Variants in CCDC39 observed in about 807,000 individuals in gnomAD.
The protein encoded by CCDC39 is coiled-coil domain-containing protein 39.
CCDC39 carries 113 observed loss-of-function variants against 121.0 expected under a neutral mutation model. The observed-to-expected ratio is 0.93, with a 90% CI of 0.80 to 1.09. CCDC39 has a LOEUF of 1.09. Ranked by LOEUF, CCDC39 falls within the 50% of genes least tolerant of loss-of-function variation. The probability of loss-of-function intolerance (pLI) is 0.00; values close to 1 mark genes in which losing one functional copy is unlikely to be tolerated. For missense variants in CCDC39, 1,063 were observed against 1,074.7 expected, an observed-to-expected ratio of 0.99 and a Z score of 0.15; for synonymous variants, 349 against 352.2, an observed-to-expected ratio of 0.99 and a Z score of 0.10.
intron 9 of CCDC39, among the ~76,000 whole-genome samples, chr3:180,649,592 C>T (rs915222046): frequency 6.6e-6 from 1 of 152,050 alleles, no homozygotes; most frequent in Non-Finnish European, 1.5e-5. Flanking sequence ...AGTTTTAAAG[C>T]CAATGCTTCG....
At chr3:180,615,569 G>T (rs1357097678) in intron 19 of CCDC39, among the ~76,000 whole-genome samples, 1 of 151,918 alleles carries the variant, frequency 6.6e-6, no homozygotes, top group Non-Finnish European at 1.5e-5. Flanking sequence ...GAAAGTACAG[G>T]GATGTTCAGT....
Position 180,659,696 on chromosome 3 carries a change from G to C in CCDC39, c.590C>G (p.Thr197Arg). ...QKRKILDNEL[T>R]ETISAQLELD... ...ACTAACCTGTGCGCTTATAGTCTCT[G>C]TAAGTTCGTTGTCAAGTATCTTTCT... is the stretch of plus-strand genomic sequence containing the variant. Residue 197 changes from threonine (T) to arginine (R), a missense_variant, in exon 5 of 20, where the codon ACA becomes AGA. Coordinates refer to ENST00000476379, the MANE Select transcript of CCDC39 (RefSeq NM_181426.2). 6.2e-7 allele frequency: 1 copy of C among 1,611,784 alleles called. No homozygotes were observed. Among genetic ancestry groups the C allele is most frequent in the Non-Finnish European group, 8.5e-7 (1 of 1,179,086 alleles).
intron 1 of CCDC39, among the ~76,000 whole-genome samples, chr3:180,676,777 G>T (rs1045817276): frequency 6.6e-6 from 1 of 152,130 alleles, no homozygotes; most frequent in Non-Finnish European, 1.5e-5. Flanking sequence ...TTAAGAAAAT[G>T]TGGCACATAT....
intron 6 of CCDC39, among the ~76,000 whole-genome samples, chr3:180,655,591 A>G (rs1407928770): frequency 6.6e-6 from 1 of 152,036 alleles, no homozygotes; most frequent in African/African-American, 2.4e-5. Flanking sequence ...GACGTGCCCA[A>G]GAGGCAACAT....
At chr3:180,648,894 T>G (rs1046252197) in intron 9 of CCDC39, among the ~76,000 whole-genome samples, 2 of 152,132 alleles carry the variant, frequency 1.3e-5, no homozygotes, top group African/African-American at 4.8e-5. Flanking sequence ...CTAACATGAT[T>G]CCACTAAAGG....
chr3:180,628,704 T>G (rs967863382), intron 14 of CCDC39, among the ~76,000 whole-genome samples: 2 of 152,128 alleles, frequency 1.3e-5, no homozygotes, highest in Non-Finnish European at 2.9e-5. Context: ...AATATATAAA[T>G]GAATAAGTGT....
chr3:180,614,866 T>G lies in CCDC39; in HGVS notation c.*55A>C, dbSNP rs1717170359. ...AAAATGTGTTGGGTCGTTTTGTATT[T>G]TAAAGTATATTTTTGTTTTTGTGTT... On this transcript the variant is annotated 3_prime_UTR_variant, in exon 20 of 20. Transcript: ENST00000476379. 1 of 1,482,468 alleles carries G rather than the reference T, an allele frequency of 6.7e-7. No individual in the cohort carries two copies. The highest frequency in any genetic ancestry group is 9.1e-7 in the Non-Finnish European group (1 of 1,096,420). 91.8% of individuals were successfully genotyped at this position (1,482,468 alleles called of 1,614,324 possible).
At chr3:180,660,755 G>A in intron 3 of CCDC39, 27 bp from the exon 4 acceptor site, 2 of 1,579,524 alleles carry the variant, frequency 1.3e-6, no homozygotes, top group Non-Finnish European at 1.7e-6. Flanking sequence ...GAGAGAAAAG[G>A]GGAGATTACA....
At chr3:180,624,419 T>C (rs1425030289) in intron 14 of CCDC39, among the ~76,000 whole-genome samples, 2 of 152,208 alleles carry the variant, frequency 1.3e-5, no homozygotes, top group African/African-American at 4.8e-5. Flanking sequence ...CAAACTTATA[T>C]TGATATGTAT....
At chr3:180,665,825 A>ATT (rs925899224) in intron 1 of CCDC39, among the ~76,000 whole-genome samples, 1 of 151,700 alleles carries the variant, frequency 6.6e-6, no homozygotes, top group African/African-American at 2.4e-5. Context: ...ACGGAGGATC[A>ATT]TTTTTAATTA....
rs1351112028 is a variant in CCDC39, at chr3:180,614,163, C to A, written c.*758G>T. 5.9e-6 allele frequency: 1 copy of A among 168,466 alleles called. No homozygotes were observed. The highest frequency in any genetic ancestry group is 1.3e-5 in the Non-Finnish European group (1 of 77,398). The allele number at this position is 168,466 out of a possible 1,614,324, so 10.4% of individuals were successfully genotyped here. On this transcript the variant is annotated 3_prime_UTR_variant, in exon 20 of 20. Coordinates refer to ENST00000476379, the MANE Select transcript of CCDC39 (RefSeq NM_181426.2). ...CCAACTGTAAATGAAATTTCTATTG[C>A]AAATCAAGTCATACCTAGCTTTCAT...
intron 6 of CCDC39, among the ~76,000 whole-genome samples, chr3:180,656,783 T>C (rs1711590500): frequency 6.6e-6 from 1 of 152,222 alleles, no homozygotes; most frequent in Non-Finnish European, 1.5e-5. Flanking sequence ...CACTGCTTAT[T>C]ATATGCTAAT....
At chr3:180,642,962 ATTT>A (rs111261462) in intron 12 of CCDC39, among the ~76,000 whole-genome samples, 1 of 145,340 alleles carries the variant, frequency 6.9e-6, no homozygotes, top group African/African-American at 2.5e-5. Context: ...GACAGAGATA[ATTT>A]TTTTTTTTTT....
intron 2 of CCDC39, among the ~76,000 whole-genome samples, chr3:180,662,918 CT>C (rs1711777772): frequency 6.6e-6 from 1 of 152,030 alleles, no homozygotes; most frequent in African/African-American, 2.4e-5. Flanking sequence ...TTTAAAAAAA[CT>C]AGTTTGAGAC....
rs1717971093 is a variant in CCDC39, at chr3:180,642,210, G to A, written c.1666-9C>T. The A allele has an allele frequency of 4.0e-6, 6 of 1,515,478 alleles. No individual in the cohort carries two copies. Among genetic ancestry groups the A allele is most frequent in the East Asian group, 2.3e-5 (1 of 43,254 alleles). The allele number at this position is 1,515,478 out of a possible 1,614,324, so 93.9% of individuals were successfully genotyped here. Reference sequence around the variant, plus strand: ...TCCTCTATCATCAAATCCTATCAACGTAACAAAATGGTCAAATATTGAAAT... The same window carrying A: ...TCCTCTATCATCAAATCCTATCAACATAACAAAATGGTCAAATATTGAAAT... On this transcript the variant is annotated splice_polypyrimidine_tract_variant and intron_variant, in intron 12 of 19. Transcript: ENST00000476379.
In CCDC39 at chr3:180,615,034, T is replaced by A; in HGVS notation, c.2713A>T (p.Lys905Ter). Residue 905 changes from lysine (K) to a stop codon, truncating the protein, a stop_gained, in exon 20 of 20, where the codon AAA (lysine) becomes TAA (stop). Coordinates refer to ENST00000476379, the MANE Select transcript of CCDC39 (RefSeq NM_181426.2). LOFTEE classifies it low-confidence loss of function (END_TRUNC). The stretch of plus-strand genomic sequence containing the variant: ...GCCGGGAATTTAAGCTCCAGTACTT[T>A]AATTGAAGACTGAGAAGTAGATGTA... ...TSTSTSQSSI[K>*]VLELKFPASS... The A allele has an allele frequency of 6.4e-7, 1 of 1,555,632 alleles. No individual in the cohort carries two copies. Among genetic ancestry groups the A allele is most frequent in the Non-Finnish European group, 8.7e-7 (1 of 1,149,090 alleles).
chr3:180,627,885 A>T (rs1477932408), intron 14 of CCDC39, among the ~76,000 whole-genome samples: 1 of 152,146 alleles, frequency 6.6e-6, no homozygotes, highest in Non-Finnish European at 1.5e-5. Flanking sequence ...AGGTGACCTT[A>T]TTTGGAAATA....
intron 13 of CCDC39, 29 bp downstream of exon 13, chr3:180,641,964 T>A (rs780773442): frequency 6.8e-7 from 1 of 1,476,668 alleles, no homozygotes; most frequent in South Asian, 1.4e-5. Context: ...TTTTTTTAAT[T>A]CCTCAGCAGT....
chr3:180,674,385 CG>C (rs1458701464), intron 1 of CCDC39, among the ~76,000 whole-genome samples: 10 of 152,190 alleles, frequency 6.6e-5, no homozygotes, highest in African/African-American at 2.2e-4. Flanking sequence ...TGGGCTGAGA[CG>C]ATGGGGTTTT....
Sources: gnomAD v4.1 joint callset for allele counts (sites outside exome capture counted in the v4.1 genomes callset) on GRCh38, gnomAD v4.1.1 for gene constraint, MANE v1.5 for transcripts, NCBI Gene and HGNC (gene_info 2026-07-23, HGNC 2026-07-21) for gene names.